The following SLC2A14 variants were observed in gnomAD, a reference collection of about 807,000 sequenced individuals.
The protein encoded by SLC2A14 is solute carrier family 2 member 14, also known as solute carrier family 2, facilitated glucose transporter member 14.
SLC2A14 carries 13 observed loss-of-function variants against 43.0 expected under a neutral mutation model. The observed-to-expected ratio is 0.30, with a 90% CI of 0.20 to 0.48. The LOEUF is 0.48. SLC2A14 is among the 20% of genes least tolerant of loss of function. The probability of loss-of-function intolerance (pLI) is 0.99; values close to 1 mark genes in which losing one functional copy is unlikely to be tolerated. For missense variants in SLC2A14, 428 were observed against 620.4 expected (o/e 0.69, Z 3.29); for synonymous variants, 190 against 233.8 (o/e 0.81, Z 1.71).
At chr12:7,869,455 T>C (rs1361759222) in intron 2 of SLC2A14, among the ~76,000 whole-genome samples, 1 of 152,192 alleles carries the variant, frequency 6.6e-6, no homozygotes, top group African/African-American at 2.4e-5. Flanking sequence ...TATAGTCTGC[T>C]CTAGAAAAAG....
At chr12:7,866,612 C>A (rs1016969883) in intron 2 of SLC2A14, among the ~76,000 whole-genome samples, 1 of 152,096 alleles carries the variant, frequency 6.6e-6, no homozygotes, top group Non-Finnish European at 1.5e-5. Context: ...GTGATCCACC[C>A]GCCTCAGCCT....
chr12:7,877,985 C>A (rs1189177860), upstream of SLC2A14, among the ~76,000 whole-genome samples: 1 of 152,128 alleles, frequency 6.6e-6, no homozygotes, highest in Non-Finnish European at 1.5e-5. Flanking sequence ...TCGTGATATG[C>A]CTGCCTCAGC....
rs397787488 is a variant in SLC2A14 at position 7,844,555 on chromosome 12, T to TTTA, written c.19-11742_19-11741insTAA. On this transcript the variant is annotated intron_variant, in intron 2 of 10. Coordinates refer to ENST00000431042, the MANE Select transcript of SLC2A14 (RefSeq NM_001286234.2). ...AAATAGTAAACTCCTTTTTTTTTTT[T>TTTA]AGACAGGGTCTCACTCTGTCACCCA... 1.2e-3 allele frequency among the ~76,000 whole-genome samples: 177 copies of TTTA among 151,766 alleles called. 1 individual carries two copies. Among genetic ancestry groups the TTTA allele is most frequent in the Non-Finnish European group, 2.1e-3 (145 of 67,888 alleles).
intron 2 of SLC2A14, among the ~76,000 whole-genome samples, chr12:7,864,106 G>A (rs763022170): frequency 7.2e-5 from 11 of 151,906 alleles, no homozygotes; most frequent in African/African-American, 9.7e-5. Flanking sequence ...GTCAGCCCCC[G>A]CGCCCGGCCA....
rs1209453452 is a variant in SLC2A14, at chr12:7,813,516, C to T, written c.*800G>A. On this transcript the variant is annotated 3_prime_UTR_variant, in exon 11 of 11. Transcript: ENST00000431042. The stretch of plus-strand genomic sequence containing the variant: ...AGTACTACTACATGTAAACTATTAT[C>T]TTAAAGATAAAGTTCCAAAGGAAAT... 1 of 152,146 alleles carries T rather than the reference C, an allele frequency of 6.6e-6. No homozygotes were observed. The allele number at this position is 152,146 out of a possible 1,614,324, so 9.4% of individuals were successfully genotyped here. A position where few individuals can be genotyped will look rare whatever the true frequency, so the allele number is the denominator to read the frequency against.
At chr12:7,838,233 G>A (rs867790107) in intron 2 of SLC2A14, among the ~76,000 whole-genome samples, 10 of 151,726 alleles carry the variant, frequency 6.6e-5, no homozygotes, top group African/African-American at 4.8e-5. Context: ...GACTACAGGC[G>A]CCTGCCACCA....
intron 2 of SLC2A14, among the ~76,000 whole-genome samples, chr12:7,849,523 G>T (rs6488707): frequency 0.99 from 150,991 of 152,078 alleles, 74,965 homozygotes; most frequent in East Asian, 1. Flanking sequence ...AATCAAGAAA[G>T]AACAGCTTTC....
Position 7,872,798 on chromosome 12 carries a change from C to G in SLC2A14, c.-58+9G>C. ...CCCCCCGGCCGCAGGGACGGCGCGG[C>G]GCACCCACCTCCCAGACCCCGCGAC... On this transcript the variant is annotated intron_variant, in intron 1 of 10. Coordinates refer to ENST00000431042, the MANE Select transcript of SLC2A14 (RefSeq NM_001286234.2). 1 of 985,544 alleles carries G rather than the reference C, an allele frequency of 1.0e-6. No homozygotes were observed. The highest frequency in any genetic ancestry group is 1.2e-6 in the Non-Finnish European group (1 of 830,076). 61.0% of individuals were successfully genotyped at this position (985,544 alleles called of 1,614,324 possible). A position where few individuals can be genotyped will look rare whatever the true frequency, so the allele number is the denominator to read the frequency against.
rs1333103345 is a variant in SLC2A14, at chr12:7,829,982, G to A, written c.297C>T (p.Asn99=). Residue 99 remains asparagine (N), a synonymous_variant, in exon 5 of 11, where the codon AAC becomes AAT. Transcript: ENST00000431042. ...GGCAGCCACCAGTGGCAGCCAACAG[G>A]TTGACAATCAGCATTGAATTGCGCC... The part of the protein sequence containing the change: ...FGRRNSMLIV[N]LLAATGGCLM... 2 of 1,614,204 alleles carry A rather than the reference G, an allele frequency of 1.2e-6. No individual in the cohort carries two copies. Among genetic ancestry groups the A allele is most frequent in the Admixed American group, 1.7e-5 (1 of 60,020 alleles).
chr12:7,820,296 A>G (rs1863806628), intron 8 of SLC2A14, among the ~76,000 whole-genome samples: 2 of 151,668 alleles, frequency 1.3e-5, no homozygotes, highest in Non-Finnish European at 2.9e-5. Context: ...AAACTAGGAA[A>G]CAATTTTCCT....
chr12:7,835,271 C>T (rs1262233720), intron 2 of SLC2A14, among the ~76,000 whole-genome samples: 1 of 152,116 alleles, frequency 6.6e-6, no homozygotes, highest in Non-Finnish European at 1.5e-5. Context: ...CCTGTAGTCC[C>T]AGCTACTCAG....
intron 2 of SLC2A14, among the ~76,000 whole-genome samples, chr12:7,856,015 A>G (rs1867342201): frequency 6.6e-6 from 1 of 152,092 alleles, no homozygotes; most frequent in African/African-American, 2.4e-5. Flanking sequence ...ATAATTAGCC[A>G]TATCATATTG....
At chr12:7,855,202 G>A (rs1003341713) in intron 2 of SLC2A14, among the ~76,000 whole-genome samples, 1 of 152,110 alleles carries the variant, frequency 6.6e-6, no homozygotes, top group African/African-American at 2.4e-5. Flanking sequence ...TCCCACTCTG[G>A]ACATTAGGCA....
intron 2 of SLC2A14, among the ~76,000 whole-genome samples, chr12:7,868,129 C>G (rs1257440886): frequency 2.0e-5 from 3 of 152,108 alleles, no homozygotes; most frequent in Admixed American, 2.0e-4. Flanking sequence ...TAAATTGCTA[C>G]AGCCAACCCC....
chr12:7,813,076 G>A lies in SLC2A14; in HGVS notation c.*1240C>T, dbSNP rs898726839. ...ACAGACATACGCAAGCGTGCCGTGA[G>A]CCTAAAGCAACAACACACTTTAGAT... On this transcript the variant is annotated 3_prime_UTR_variant, in exon 11 of 11. Coordinates refer to ENST00000431042, the MANE Select transcript of SLC2A14 (RefSeq NM_001286234.2). 4 of 151,508 alleles carry A rather than the reference G, an allele frequency of 2.6e-5. No homozygotes were observed. Among genetic ancestry groups the A allele is most frequent in the African/African-American group, 9.7e-5 (4 of 41,212 alleles). 9.4% of individuals were successfully genotyped at this position (151,508 alleles called of 1,614,324 possible). A position where few individuals can be genotyped will look rare whatever the true frequency, so the allele number is the denominator to read the frequency against.
intron 1 of SLC2A14, among the ~76,000 whole-genome samples, chr12:7,883,283 T>G (rs1332673539): frequency 6.8e-6 from 1 of 147,428 alleles, no homozygotes; most frequent in Non-Finnish European, 1.5e-5. Context: ...TTTTTTTTTT[T>G]TTGAGATGGA....
At chr12:7,868,339 T>C (rs1454778746) in intron 2 of SLC2A14, among the ~76,000 whole-genome samples, 2 of 152,336 alleles carry the variant, frequency 1.3e-5, no homozygotes, top group Non-Finnish European at 2.9e-5. Flanking sequence ...CAGTATAATG[T>C]AACATAACTT....
At chr12:7,852,020 T>C (rs1866975853) in intron 2 of SLC2A14, among the ~76,000 whole-genome samples, 1 of 152,196 alleles carries the variant, frequency 6.6e-6, no homozygotes, top group Non-Finnish European at 1.5e-5. Context: ...ATGATTAGTA[T>C]AGCCTCATTC....
chr12:7,878,976 C>CAAAAAAAAAAAA (rs58838986), intron 1 of SLC2A14, among the ~76,000 whole-genome samples: 1 of 69,322 alleles, frequency 1.4e-5, no homozygotes, highest in Non-Finnish European at 2.7e-5. Context: ...GAGTCCGTCT[C>CAAAAAAAAAAAA]AAAAAAAAAA....
Sources: allele counts gnomAD v4.1 joint callset (sites outside exome capture counted in the v4.1 genomes callset), GRCh38; gene constraint gnomAD v4.1.1; transcripts MANE v1.5; gene names NCBI Gene and HGNC (gene_info 2026-07-23, HGNC 2026-07-21).